HPSE2: variants seen among roughly 807,000 people sequenced by gnomAD.
HPSE2 encodes the protein inactive heparanase-2.
HPSE2 carries 38 observed loss-of-function variants against 60.5 expected under a neutral mutation model. The ratio of observed to expected loss-of-function variants is 0.63; its 90% CI spans 0.48 to 0.82. The LOEUF is 0.82. Among genes scored for constraint, HPSE2 ranks in the 40% least tolerant of loss-of-function variants. The pLI, the probability that HPSE2 is intolerant of heterozygous loss-of-function variation, is 0.00. For missense variants in HPSE2, 713 were observed against 740.4 expected (o/e 0.96, Z 0.43); for synonymous variants, 295 against 293.2 (o/e 1.01, Z -0.06).
intron 3 of HPSE2, among the ~76,000 whole-genome samples, chr10:98,861,179 T>G (rs1952450709): frequency 6.6e-6 from 1 of 152,154 alleles, no homozygotes; most frequent in Admixed American, 6.5e-5. Context: ...TCTTTTCAAA[T>G]CTACATAACT....
At chr10:98,916,772 A>G (rs1954130220) in intron 3 of HPSE2, among the ~76,000 whole-genome samples, 1 of 152,216 alleles carries the variant, frequency 6.6e-6, no homozygotes, top group Non-Finnish European at 1.5e-5. Context: ...CAGATAATCT[A>G]TTCTGATTAA....
intron 3 of HPSE2, among the ~76,000 whole-genome samples, chr10:98,879,852 C>CGTGCGTGT (rs1952973793): frequency 6.9e-6 from 1 of 145,676 alleles, no homozygotes; most frequent in Non-Finnish European, 1.5e-5. Context: ...TGTGCATGTG[C>CGTGCGTGT]GTGTGTGTGT....
chr10:98,472,640 A>T (rs1195687224), intron 11 of HPSE2, among the ~76,000 whole-genome samples: 1 of 152,210 alleles, frequency 6.6e-6, no homozygotes, highest in Non-Finnish European at 1.5e-5. Flanking sequence ...CATGCATCAA[A>T]ACAGATTCCG....
intron 6 of HPSE2, among the ~76,000 whole-genome samples, chr10:98,652,546 C>G (rs960284950): frequency 6.6e-6 from 1 of 152,188 alleles, no homozygotes; most frequent in Non-Finnish European, 1.5e-5. Flanking sequence ...TACCCCCTGC[C>G]CATTCCCAAT....
At chr10:98,722,620 A>C (rs1948955811) in intron 4 of HPSE2, among the ~76,000 whole-genome samples, 2 of 152,184 alleles carry the variant, frequency 1.3e-5, no homozygotes, top group South Asian at 4.1e-4. Context: ...CATTAATAAC[A>C]AAGTAGCTAA....
At chr10:99,048,624 G>GT (rs1370258559) in intron 3 of HPSE2, among the ~76,000 whole-genome samples, 1 of 152,122 alleles carries the variant, frequency 6.6e-6, no homozygotes, top group African/African-American at 2.4e-5. Flanking sequence ...CTTATACACT[G>GT]TTTTTGGGAA....
chr10:99,235,897 C>T, upstream of HPSE2: 2 of 1,027,958 alleles, frequency 1.9e-6, no homozygotes, highest in Admixed American at 3.9e-5. Context: ...TTTTTCCCCC[C>T]TTTTTTTCCC....
intron 3 of HPSE2, among the ~76,000 whole-genome samples, chr10:98,836,673 GCCTCAA>G (rs1383332404): frequency 6.6e-6 from 1 of 152,178 alleles, no homozygotes; most frequent in African/African-American, 2.4e-5. Flanking sequence ...CTCTGGGGAA[GCCTCAA>G]CCTTGCTTTA....
chr10:98,946,472 C>CAAAA (rs61591255), intron 3 of HPSE2, among the ~76,000 whole-genome samples: 1 of 93,232 alleles, frequency 1.1e-5, no homozygotes, highest in Non-Finnish European at 2.4e-5. Context: ...GACCCTCACT[C>CAAAA]AAAAAAAAAA....
chr10:99,197,144 C>T (rs1848427138), intron 2 of HPSE2, among the ~76,000 whole-genome samples: 1 of 152,108 alleles, frequency 6.6e-6, no homozygotes, highest in Non-Finnish European at 1.5e-5. Flanking sequence ...ATTGCATGTT[C>T]TCACTTATTT....
At chr10:98,952,124 A>T (rs140218011) in intron 3 of HPSE2, among the ~76,000 whole-genome samples, 1 of 152,288 alleles carries the variant, frequency 6.6e-6, no homozygotes, top group African/African-American at 2.4e-5. Flanking sequence ...TCTATTTCAT[A>T]GGATTTTGTT....
At chr10:99,103,323 T>C (rs1844093426) in intron 3 of HPSE2, among the ~76,000 whole-genome samples, 1 of 152,138 alleles carries the variant, frequency 6.6e-6, no homozygotes, top group Non-Finnish European at 1.5e-5. Context: ...ATCACAAGCA[T>C]TCTTATACAC....
At chr10:98,653,592 C>T (rs1015705035) in intron 6 of HPSE2, among the ~76,000 whole-genome samples, 1 of 151,072 alleles carries the variant, frequency 6.6e-6, no homozygotes, top group African/African-American at 2.4e-5. Context: ...TTCAAATAAC[C>T]CCATACTGCT....
In HPSE2 at chr10:99,228,748, T is replaced by C. The variant is rs118132018; in HGVS notation, c.448+3600A>G. ...GTAACCAGTGAAGCTCCCAAAGTGA[T>C]ACATAAACAGTGGTTTTACAAAGTT... is the stretch of plus-strand genomic sequence containing the variant. On this transcript the variant is annotated intron_variant, in intron 2 of 11. Transcript: ENST00000370552. Among the ~76,000 whole-genome samples, 100 of 152,342 alleles carry C rather than the reference T, an allele frequency of 6.6e-4. No homozygotes were observed. The East Asian group carries it at 0.01, about 16-fold the overall frequency.
intron 2 of HPSE2, among the ~76,000 whole-genome samples, chr10:99,205,510 C>T (rs567141805): frequency 3.9e-5 from 6 of 151,914 alleles, no homozygotes; most frequent in East Asian, 3.9e-4. Flanking sequence ...TGAACCCGGG[C>T]GGCAGAGGTT....
At chr10:98,673,192 C>T (rs755417542) in intron 6 of HPSE2, among the ~76,000 whole-genome samples, 2 of 151,986 alleles carry the variant, frequency 1.3e-5, no homozygotes, top group Non-Finnish European at 2.9e-5. Context: ...CAGAGTAGGC[C>T]CAAAAGTCAA....
chr10:98,694,019 A>C, intron 5 of HPSE2, 72 bp from the exon 6 acceptor site: 1 of 1,213,562 alleles, frequency 8.2e-7, no homozygotes, highest in Non-Finnish European at 1.2e-6. Context: ...AAAGGAAATA[A>C]ACTGAGACAG....
chr10:98,777,540 G>A (rs1002835340), intron 3 of HPSE2, among the ~76,000 whole-genome samples: 3 of 152,036 alleles, frequency 2.0e-5, no homozygotes, highest in Non-Finnish European at 4.4e-5. Context: ...TAATATTAGA[G>A]GTTTTCCAAG....
At chr10:99,224,874 T>C (rs1475311939) in intron 2 of HPSE2, among the ~76,000 whole-genome samples, 1 of 152,142 alleles carries the variant, frequency 6.6e-6, no homozygotes, top group East Asian at 1.9e-4. Context: ...TCTGATTCGC[T>C]GAAATTAATT....
Sources: gnomAD v4.1 joint callset for allele counts (sites outside exome capture counted in the v4.1 genomes callset) on GRCh38, gnomAD v4.1.1 for gene constraint, MANE v1.5 for transcripts, NCBI Gene and HGNC (gene_info 2026-07-23, HGNC 2026-07-21) for gene names.